The following CSMD1 variants were observed in gnomAD, a reference collection of about 807,000 sequenced individuals.
CSMD1 encodes CUB and Sushi multiple domains 1, also known as CUB and sushi domain-containing protein 1.
In CSMD1, 213 loss-of-function variants were observed where a neutral mutation model predicts 417.5. The observed-to-expected ratio is 0.51, with a 90% CI of 0.46 to 0.57. The LOEUF (loss-of-function observed/expected upper bound fraction) is 0.57, where lower values mean the gene tolerates loss of function less well. Ranked by LOEUF, CSMD1 falls within the 20% of genes least tolerant of loss-of-function variation. The pLI, the probability that CSMD1 is intolerant of heterozygous loss-of-function variation, is 0.00. For synonymous variants in CSMD1, 2,862 were observed against 1,736.8 expected, an observed-to-expected ratio of 1.65 and a Z score of -16.11; for missense variants, 6,923 against 4,529.7, an observed-to-expected ratio of 1.53 and a Z score of -15.17.
intron 2 of CSMD1, among the ~76,000 whole-genome samples, chr8:4,545,016 C>T (rs540114729): frequency 1.3e-5 from 2 of 152,162 alleles, no homozygotes; most frequent in East Asian, 1.9e-4. Context: ...TTATCACGCA[C>T]GTATCTGAAT....
intron 3 of CSMD1, among the ~76,000 whole-genome samples, chr8:4,039,077 T>C (rs905373056): frequency 9.9e-5 from 15 of 152,206 alleles, no homozygotes; most frequent in African/African-American, 3.4e-4. Flanking sequence ...TAATATTCAT[T>C]ACTACATGGG....
At chr8:3,758,501 G>A (rs894019449) in intron 5 of CSMD1, among the ~76,000 whole-genome samples, 4 of 152,178 alleles carry the variant, frequency 2.6e-5, no homozygotes, top group Admixed American at 2.6e-4. Context: ...TTCTATCGCT[G>A]TCTACAGGGC....
At chr8:4,487,303 C>T (rs555484741) in intron 2 of CSMD1, among the ~76,000 whole-genome samples, 7 of 152,258 alleles carry the variant, frequency 4.6e-5, no homozygotes, top group African/African-American at 1.7e-4. Context: ...GGTATATCTC[C>T]TAATGCTATC....
At chr8:4,174,157 C>A (rs1362670211) in intron 3 of CSMD1, among the ~76,000 whole-genome samples, 2 of 152,072 alleles carry the variant, frequency 1.3e-5, no homozygotes, top group Non-Finnish European at 2.9e-5. Context: ...AGGCTCGTGG[C>A]TGCCCCTAGA....
At chr8:3,429,592 A>G (rs929580891) in intron 12 of CSMD1, among the ~76,000 whole-genome samples, 1 of 152,196 alleles carries the variant, frequency 6.6e-6, no homozygotes, top group African/African-American at 2.4e-5. Flanking sequence ...GGGGTCAACA[A>G]TGTTCAATAT....
chr8:3,670,628 G>T (rs1045963117), intron 7 of CSMD1, among the ~76,000 whole-genome samples: 5 of 108,226 alleles, frequency 4.6e-5, no homozygotes, highest in African/African-American at 1.3e-4. Flanking sequence ...ATATATATAT[G>T]GGATATTTAT....
At chr8:3,299,725 C>T (rs1159657654) in intron 25 of CSMD1, among the ~76,000 whole-genome samples, 4 of 152,116 alleles carry the variant, frequency 2.6e-5, no homozygotes, top group African/African-American at 7.2e-5. Context: ...GAGGAAGTCA[C>T]TAACCAAATG....
intron 49 of CSMD1, among the ~76,000 whole-genome samples, chr8:3,054,184 C>T (rs778752596): frequency 2.0e-5 from 3 of 151,968 alleles, no homozygotes; most frequent in Non-Finnish European, 2.9e-5. Context: ...TTCTTCTTTA[C>T]CAAAATATTA....
At chr8:3,935,246 A>G (rs551604783) in intron 5 of CSMD1, among the ~76,000 whole-genome samples, 2 of 152,216 alleles carry the variant, frequency 1.3e-5, no homozygotes, top group Admixed American at 1.3e-4. Context: ...AATGTAGAAG[A>G]ACAGAATCAT....
chr8:3,787,258 T>G lies in CSMD1; in HGVS notation c.819-33216A>C, dbSNP rs766230331. ...CAACAAAAAAAGAATTTGAAAAAACTTGTGAGTTGTGAAAAACCATAATCA... is the reference window on the plus strand; with the variant it reads ...CAACAAAAAAAGAATTTGAAAAAACGTGTGAGTTGTGAAAAACCATAATCA... On this transcript the variant is annotated intron_variant, in intron 5 of 69. Transcript: ENST00000635120. 1.3e-5 allele frequency among the ~76,000 whole-genome samples: 2 copies of G among 152,098 alleles called. 1 individual carries two copies.
chr8:3,794,996 G>GTATAGCGATAGATATATATCTATCATA (rs1799963198), intron 5 of CSMD1, among the ~76,000 whole-genome samples: 1 of 127,304 alleles, frequency 7.9e-6, no homozygotes, highest in South Asian at 2.7e-4. Flanking sequence ...TATCTATCAT[G>GTATAGCGATAGATATATATCTATCATA]TATAGCTATA....
At chr8:3,932,942 A>T (rs1810253486) in intron 5 of CSMD1, among the ~76,000 whole-genome samples, 1 of 150,246 alleles carries the variant, frequency 6.7e-6, no homozygotes, top group African/African-American at 2.5e-5. Context: ...CTTTTTTAAA[A>T]GTGTATGTGA....
At chr8:3,067,842 TAAC>T (rs1346000085) in intron 49 of CSMD1, among the ~76,000 whole-genome samples, 1 of 152,086 alleles carries the variant, frequency 6.6e-6, no homozygotes. Flanking sequence ...ATTCTCATAC[TAAC>T]AATATGAGTC....
At chr8:3,273,103 C>G (rs1260158183) in intron 26 of CSMD1, among the ~76,000 whole-genome samples, 1 of 151,914 alleles carries the variant, frequency 6.6e-6, no homozygotes, top group African/African-American at 2.4e-5. Flanking sequence ...TGAGATACGT[C>G]CCATCAATAC....
chr8:4,774,292 T>C (rs1796737916), intron 1 of CSMD1, among the ~76,000 whole-genome samples: 1 of 152,210 alleles, frequency 6.6e-6, no homozygotes, highest in Non-Finnish European at 1.5e-5. Flanking sequence ...AGTTTGAATC[T>C]TACTTTCCTG....
chr8:4,106,434 A>G (rs998558949), intron 3 of CSMD1, among the ~76,000 whole-genome samples: 3 of 152,202 alleles, frequency 2.0e-5, no homozygotes, highest in Non-Finnish European at 4.4e-5. Context: ...CAAACTCTAT[A>G]GAATTTTACA....
chr8:4,842,186 G>C (rs906437333), intron 1 of CSMD1, among the ~76,000 whole-genome samples: 5 of 152,190 alleles, frequency 3.3e-5, no homozygotes, highest in African/African-American at 9.7e-5. Context: ...CACATGAAAA[G>C]AATTGTAGCT....
intron 12 of CSMD1, among the ~76,000 whole-genome samples, chr8:3,454,827 T>C (rs1815999753): frequency 6.6e-6 from 1 of 152,176 alleles, no homozygotes; most frequent in African/African-American, 2.4e-5. Context: ...TTTGTGGCAT[T>C]CTCTGTATTT....
chr8:4,234,070 C>T (rs532771335), intron 3 of CSMD1, among the ~76,000 whole-genome samples: 2 of 152,166 alleles, frequency 1.3e-5, no homozygotes, highest in South Asian at 4.2e-4. Flanking sequence ...CAACCATTAA[C>T]CCCTGCCTAA....
Sources: allele counts gnomAD v4.1 joint callset (sites outside exome capture counted in the v4.1 genomes callset), GRCh38; gene constraint gnomAD v4.1.1; transcripts MANE v1.5; gene names NCBI Gene and HGNC (gene_info 2026-07-23, HGNC 2026-07-21).